Variants in TENM2 observed in about 807,000 individuals in gnomAD.
The protein encoded by TENM2 is teneurin transmembrane protein 2.
TENM2 carries 52 observed loss-of-function variants against 245.2 expected under a neutral mutation model. The observed-to-expected ratio is 0.21, with a 90% CI of 0.17 to 0.27. The LOEUF is 0.27. Ranked by LOEUF, TENM2 falls within the 10% of genes least tolerant of loss-of-function variation. The pLI, the probability that TENM2 is intolerant of heterozygous loss-of-function variation, is 1.00. For missense variants in TENM2, 3,046 were observed against 3,666.8 expected, an observed-to-expected ratio of 0.83 and a Z score of 4.37; for synonymous variants, 1,363 against 1,438.9, an observed-to-expected ratio of 0.95 and a Z score of 1.19.
chr5:167,923,607 G>A (rs995617765), intron 3 of TENM2, among the ~76,000 whole-genome samples: 5 of 152,098 alleles, frequency 3.3e-5, no homozygotes, highest in Admixed American at 6.5e-5. Context: ...AGTCATGTCT[G>A]GTCTGCATGG....
At position 167,706,391 on chromosome 5, in the gene TENM2, C is replaced by CTATA. The variant is rs532861527; in HGVS notation, c.503-169582_503-169579dup. Among the ~76,000 whole-genome samples the CTATA allele has an allele frequency of 6.6e-4, 95 of 144,418 alleles. 2 individuals carry two copies. The highest frequency in any genetic ancestry group is 5.1e-4 in the African/African-American group (20 of 39,542). The allele number at this position is 144,418 out of a possible 152,430, so 94.7% of individuals were successfully genotyped here. A position where few individuals can be genotyped will look rare whatever the true frequency, so the allele number is the denominator to read the frequency against. ...ACAGTATATATAAGAAAATGTGATA[C>CTATA]TATATATATATATATAAGAAAATGT... On this transcript the variant is annotated intron_variant, in intron 2 of 28. Coordinates refer to ENST00000518659, the Ensembl canonical transcript of TENM2.
At chr5:167,066,046 A>G in the TENM2 span, among the ~76,000 whole-genome samples, 1 of 152,176 alleles carries the variant, frequency 6.6e-6, no homozygotes, top group East Asian at 1.9e-4. Flanking sequence ...GCTCACTTGA[A>G]TAACTCTCCC....
chr5:167,993,963 C>A (rs79684284), intron 5 of TENM2, among the ~76,000 whole-genome samples: 1 of 152,240 alleles, frequency 6.6e-6, no homozygotes, highest in Non-Finnish European at 1.5e-5. Flanking sequence ...AGATGCTGAG[C>A]GCCCAGGGGC....
At chr5:167,619,040 C>A (rs1288425812) in intron 2 of TENM2, among the ~76,000 whole-genome samples, 1 of 152,098 alleles carries the variant, frequency 6.6e-6, no homozygotes, top group Non-Finnish European at 1.5e-5. Context: ...GGAGCACTCA[C>A]TACTCAAAGC....
chr5:168,005,235 G>C (rs184796499), intron 5 of TENM2, among the ~76,000 whole-genome samples: 61 of 152,254 alleles, frequency 4.0e-4, no homozygotes, highest in African/African-American at 1.4e-3. Flanking sequence ...GAAATGATCT[G>C]TGACTAAATG....
chr5:167,690,287 AT>A lies in TENM2; in HGVS notation c.503-185690del, dbSNP rs950708528. On this transcript the variant is annotated intron_variant, in intron 2 of 28. Coordinates refer to ENST00000518659, the Ensembl canonical transcript of TENM2. Reference sequence around the variant, plus strand: ...GTTATATTTTTATTTACTTTTATGTATTTTTTTTTAAGTTTAACAGAAGAGG... The same window carrying A: ...GTTATATTTTTATTTACTTTTATGTATTTTTTTTAAGTTTAACAGAAGAGG... Among the ~76,000 whole-genome samples the A allele has an allele frequency of 1.1e-3, 169 of 150,558 alleles. 2 individuals carry two copies. Among genetic ancestry groups the A allele is most frequent in the East Asian group, 4.9e-3 (25 of 5,134 alleles).
chr5:167,982,499 T>C (rs149751675), intron 4 of TENM2, among the ~76,000 whole-genome samples: 233 of 152,334 alleles, frequency 1.5e-3, no homozygotes, highest in African/African-American at 5.2e-3. Context: ...GTGGGCCCGC[T>C]TCTGTGTTCT....
intron 2 of TENM2, among the ~76,000 whole-genome samples, chr5:167,604,493 T>C (rs773588189): frequency 6.6e-6 from 1 of 152,218 alleles, no homozygotes; most frequent in Non-Finnish European, 1.5e-5. Flanking sequence ...TCACCGTTAA[T>C]CTTTTGGGGT....
intron 5 of TENM2, among the ~76,000 whole-genome samples, chr5:168,004,975 C>A (rs1174716398): frequency 6.6e-6 from 1 of 152,106 alleles, no homozygotes; most frequent in Non-Finnish European, 1.5e-5. Context: ...ACCCTCGCTT[C>A]TTTGGGTGGA....
intron 2 of TENM2, among the ~76,000 whole-genome samples, chr5:167,830,317 GT>G (rs552473159): frequency 1.3e-5 from 2 of 151,984 alleles, no homozygotes; most frequent in African/African-American, 2.4e-5. Context: ...GCTTGATAAT[GT>G]TTTTTTATCA....
At chr5:167,529,788 G>A (rs1173717298) in intron 2 of TENM2, among the ~76,000 whole-genome samples, 1 of 152,136 alleles carries the variant, frequency 6.6e-6, no homozygotes, top group Non-Finnish European at 1.5e-5. Flanking sequence ...TTCCTCTTGT[G>A]ATGATAGAAA....
chr5:167,927,585 G>C (rs1777861102), intron 3 of TENM2, among the ~76,000 whole-genome samples: 1 of 152,134 alleles, frequency 6.6e-6, no homozygotes, highest in Non-Finnish European at 1.5e-5. Flanking sequence ...GCTGCACATA[G>C]GGAGGGAGGG....
chr5:167,085,221 A>T, the TENM2 span, among the ~76,000 whole-genome samples: 1 of 152,170 alleles, frequency 6.6e-6, no homozygotes, highest in Non-Finnish European at 1.5e-5. Context: ...ATCAAAGGGG[A>T]GGAGTTTTTA....
chr5:167,534,302 G>T lies in TENM2; in HGVS notation c.502+158829G>T, dbSNP rs374066978. Among the ~76,000 whole-genome samples, 5 of 152,260 alleles carry T rather than the reference G, an allele frequency of 3.3e-5. No homozygotes were observed. In the East Asian group the frequency reaches 9.7e-4, roughly 29 times the overall value. On this transcript the variant is annotated intron_variant, in intron 2 of 28. Transcript: ENST00000518659. ...AAGGGAGGATGCCAATGTGAGTCAG[G>T]CTTGGAGACAAGAATGCTCCCTTTG...
chr5:167,048,480 G>A, the TENM2 span, among the ~76,000 whole-genome samples: 58 of 152,094 alleles, frequency 3.8e-4, no homozygotes, highest in Non-Finnish European at 5.3e-4. Flanking sequence ...TGGTCACACC[G>A]CACATACACA....
the TENM2 span, among the ~76,000 whole-genome samples, chr5:167,242,046 GT>G: frequency 9.8e-3 from 1,291 of 131,440 alleles, 14 homozygotes; most frequent in African/African-American, 0.032. Context: ...TTTGTTTTTT[GT>G]TTTTTTTTTT....
intron 2 of TENM2, among the ~76,000 whole-genome samples, chr5:167,669,420 G>C (rs1755786388): frequency 6.6e-6 from 1 of 152,156 alleles, no homozygotes; most frequent in African/African-American, 2.4e-5. Flanking sequence ...GCATTTAAGA[G>C]GGAAACTCAT....
intron 2 of TENM2, among the ~76,000 whole-genome samples, chr5:167,681,243 CTTCTT>C (rs1394842032): frequency 2.0e-5 from 3 of 152,110 alleles, no homozygotes; most frequent in Non-Finnish European, 2.9e-5. Flanking sequence ...CATTGTTTTT[CTTCTT>C]TTCTTCTTTT....
the TENM2 span, among the ~76,000 whole-genome samples, chr5:167,259,738 C>G: frequency 1.3e-5 from 2 of 149,968 alleles, no homozygotes; most frequent in Non-Finnish European, 3.0e-5. Flanking sequence ...TTTTTTTTGT[C>G]TCCTCGTATC....
Sources: allele counts gnomAD v4.1 joint callset (sites outside exome capture counted in the v4.1 genomes callset), GRCh38; gene constraint gnomAD v4.1.1; transcripts MANE v1.5; gene names NCBI Gene and HGNC (gene_info 2026-07-23, HGNC 2026-07-21).